The following CPT2 variants were observed in gnomAD, a reference collection of about 807,000 sequenced individuals.
The protein encoded by CPT2 is carnitine palmitoyltransferase 2.
In CPT2, 37 loss-of-function variants were observed where a neutral mutation model predicts 48.6. The ratio of observed to expected loss-of-function variants is 0.76; its 90% CI spans 0.59 to 1.00. The LOEUF (loss-of-function observed/expected upper bound fraction) is 1.00. Among genes scored for constraint, CPT2 ranks in the 50% least tolerant of loss-of-function variants. CPT2 has a pLI of 0.00. For synonymous variants in CPT2, 319 were observed against 326.9 expected (o/e 0.98, Z 0.26); for missense variants, 772 against 825.6 (o/e 0.94, Z 0.80).
intron 1 of CPT2, chr1:53,197,456 G>T (rs3766760): frequency 0.27 from 100,071 of 364,866 alleles, 15,780 homozygotes; most frequent in East Asian, 0.44. Flanking sequence ...CTCGACTATG[G>T]TGTCTCCTGA....
At chr1:53,201,836 T>C (rs1459155841) in intron 2 of CPT2, 1 of 168,992 alleles carries the variant, frequency 5.9e-6, no homozygotes, top group Non-Finnish European at 1.3e-5. Flanking sequence ...AAGTTTCTCT[T>C]GATATGGTAA....
At chr1:53,208,687 A>T (rs1264669847) in intron 3 of CPT2, 1 of 152,240 alleles carries the variant, frequency 6.6e-6, no homozygotes, top group Non-Finnish European at 1.5e-5. Flanking sequence ...AGAAACCTAA[A>T]GAGATGGGGT....
At position 53,213,287 on chromosome 1, in the gene CPT2, T is replaced by C; in HGVS notation, c.1669T>C (p.Phe557Leu). The C allele has an allele frequency of 1.2e-6, 2 of 1,614,200 alleles. No homozygotes were observed. The highest frequency in any genetic ancestry group is 2.7e-5 in the African/African-American group (2 of 75,062). The change falls in exon 5 of 5, where the codon TTT becomes CTT. Residue 557 changes from phenylalanine to leucine, a missense_variant. Phe to Leu is a conservative substitution (Grantham distance 22). Coordinates refer to ENST00000371486, the MANE Select transcript of CPT2 (RefSeq NM_000098.3). ...AGGCCAGGGCTTTGACCGACACTTGTTTGCTCTGCGGCATCTGGCAGCAGC... is the reference window on the plus strand; with the variant it reads ...AGGCCAGGGCTTTGACCGACACTTGCTTGCTCTGCGGCATCTGGCAGCAGC... Reference protein sequence around the residue: ...AMGQGFDRHLFALRHLAAAKG... With the variant: ...AMGQGFDRHLLALRHLAAAKG...
At position 53,202,431 on chromosome 1, in the gene CPT2, T is replaced by G; in HGVS notation, c.340+2T>G. 6.2e-7 allele frequency: 1 copy of G among 1,609,926 alleles called. No individual in the cohort carries two copies. The highest frequency in any genetic ancestry group is 1.1e-5 in the South Asian group (1 of 90,970). On this transcript the variant is annotated splice_donor_variant, in intron 3 of 4. Coordinates refer to ENST00000371486, the MANE Select transcript of CPT2 (RefSeq NM_000098.3). LOFTEE classifies it high-confidence loss of function. Reference sequence around the variant, plus strand: ...ATAAACATACAAGCTACATTTCGGGTAGGTAGGCTGGGCTGTGGGTATGAT... The same window carrying G: ...ATAAACATACAAGCTACATTTCGGGGAGGTAGGCTGGGCTGTGGGTATGAT...
chr1:53,202,226 TGGG>T, intron 2 of CPT2, 94 bp from the exon 3 acceptor site: 1 of 885,008 alleles, frequency 1.1e-6, no homozygotes. Flanking sequence ...GCTATGCTGT[TGGG>T]GACCCAAAAC....
At chr1:53,201,361 C>G (rs1645353899) in intron 2 of CPT2, 1 of 164,716 alleles carries the variant, frequency 6.1e-6, no homozygotes, top group Admixed American at 5.7e-5. Flanking sequence ...TGTGAGGACA[C>G]AGGCAGAGAT....
intron 1 of CPT2, 109 bp from the exon 2 acceptor site, chr1:53,200,610 G>T: frequency 1.2e-6 from 1 of 868,852 alleles, no homozygotes; most frequent in Non-Finnish European, 2.0e-6. Context: ...TCTGATTATT[G>T]GTTTTGGGGG....
intron 4 of CPT2, among the ~76,000 whole-genome samples, chr1:53,212,265 A>T (rs1240486140): frequency 6.6e-6 from 1 of 151,854 alleles, no homozygotes; most frequent in Non-Finnish European, 1.5e-5. Context: ...GGGTTTCACT[A>T]TGTTGGCCAG....
chr1:53,211,050 A>G lies in CPT2; in HGVS notation c.1376A>G (p.Gln459Arg), dbSNP rs1335909876. Residue 459 changes from glutamine to arginine, a missense_variant, in exon 4 of 5, where the codon CAA becomes CGA. Coordinates refer to ENST00000371486, the MANE Select transcript of CPT2 (RefSeq NM_000098.3). ...GGAGGCAAAGAATTCCTGAAGAAGC[A>G]AAAGCTGAGCCCTGACGCAGTTGCC... ...QRGGKEFLKK[Q>R]KLSPDAVAQL... is the part of the protein sequence containing the mutation. 6.2e-7 allele frequency: 1 copy of G among 1,614,220 alleles called. No homozygotes were observed. The highest frequency in any genetic ancestry group is 2.2e-5 in the East Asian group (1 of 44,886).
At position 53,213,826 on chromosome 1, in the gene CPT2, G is replaced by A; in HGVS notation, c.*231G>A. On this transcript the variant is annotated 3_prime_UTR_variant, in exon 5 of 5. Transcript: ENST00000371486. ...TGCCTATAATCCCAGCTACTTGGGA[G>A]GTTGAAGCAGAATTGCTTGAACCCA... is the stretch of plus-strand genomic sequence containing the variant. 1 of 486,302 alleles carries A rather than the reference G, an allele frequency of 2.1e-6. No individual in the cohort carries two copies. Among genetic ancestry groups the A allele is most frequent in the Non-Finnish European group, 3.7e-6 (1 of 266,702 alleles). The allele number at this position is 486,302 out of a possible 1,614,324, so 30.1% of individuals were successfully genotyped here. A position where few individuals can be genotyped will look rare whatever the true frequency, so the allele number is the denominator to read the frequency against.
intron 1 of CPT2, 193 bp from the exon 2 acceptor site, chr1:53,200,526 T>C: frequency 1.8e-6 from 1 of 564,010 alleles, no homozygotes; most frequent in Non-Finnish European, 3.2e-6. Flanking sequence ...TTAGTTGTTA[T>C]TTTACTTAAA....
Position 53,200,816 on chromosome 1 carries a change from T to G in CPT2, c.233+17T>G, listed in dbSNP as rs750023143. The G allele has an allele frequency of 6.3e-7, 1 of 1,597,228 alleles. No homozygotes were observed. Among genetic ancestry groups the G allele is most frequent in the Non-Finnish European group, 8.6e-7 (1 of 1,164,632 alleles). On this transcript the variant is annotated intron_variant, in intron 2 of 4. Transcript: ENST00000371486. ...CCAGTTCAGGTAAACACTGAGAACCTTGGGTGAGCATAGTTGGGGTGGTTC... is the reference window on the plus strand; with the variant it reads ...CCAGTTCAGGTAAACACTGAGAACCGTGGGTGAGCATAGTTGGGGTGGTTC...
At chr1:53,201,537 A>G (rs78923886) in intron 2 of CPT2, 5,368 of 153,434 alleles carry the variant, frequency 0.035, 280 homozygotes, top group East Asian at 0.2. Flanking sequence ...GTGAGAGAAT[A>G]AATTTCTGTT....
At chr1:53,211,698 A>G (rs1645429836) in intron 4 of CPT2, among the ~76,000 whole-genome samples, 1 of 147,976 alleles carries the variant, frequency 6.8e-6, no homozygotes, top group Non-Finnish European at 1.5e-5. Context: ...CCCCAGGTTC[A>G]AGTGATTCTC....
intron 3 of CPT2, among the ~76,000 whole-genome samples, chr1:53,205,989 T>C (rs1027483557): frequency 1.1e-4 from 16 of 152,154 alleles, no homozygotes; most frequent in African/African-American, 3.1e-4. Context: ...GAGACCATCC[T>C]GGCTAACATG....
At chr1:53,211,769 T>C (rs942321310) in intron 4 of CPT2, among the ~76,000 whole-genome samples, 1 of 152,030 alleles carries the variant, frequency 6.6e-6, no homozygotes, top group Non-Finnish European at 1.5e-5. Context: ...TGGCTAGTTT[T>C]TGCATTTTTA....
At position 53,214,039 on chromosome 1, in the gene CPT2, G is replaced by A. The variant is rs1055553519; in HGVS notation, c.*444G>A. The A allele has an allele frequency of 5.3e-6, 1 of 189,382 alleles. No individual in the cohort carries two copies. Among genetic ancestry groups the A allele is most frequent in the Admixed American group, 5.3e-5 (1 of 18,768 alleles). 11.7% of individuals were successfully genotyped at this position (189,382 alleles called of 1,614,324 possible). A position where few individuals can be genotyped will look rare whatever the true frequency, so the allele number is the denominator to read the frequency against. On this transcript the variant is annotated 3_prime_UTR_variant, in exon 5 of 5. Coordinates refer to ENST00000371486, the MANE Select transcript of CPT2 (RefSeq NM_000098.3). ...TACAGGCTTGAGCTTTAAATTCATG[G>A]TTTTAAAGCTAAACGTAATTTCCAC...
chr1:53,210,372 A>C lies in CPT2; in HGVS notation c.698A>C (p.Glu233Ala). ...CGTTTACCCAAACCCAGTCGGGATG[A>C]ACTCTTCACTGATGACAAGGCCAGA... ...STRLPKPSRD[E>A]LFTDDKARHL... The change falls in exon 4 of 5, where the codon GAA becomes GCA. Residue 233 changes from glutamate (E) to alanine (A), a missense_variant. Glu to Ala is a moderately radical substitution (Grantham distance 107). Coordinates refer to ENST00000371486, the MANE Select transcript of CPT2 (RefSeq NM_000098.3). The C allele has an allele frequency of 6.2e-7, 1 of 1,614,124 alleles. No individual in the cohort carries two copies. The highest frequency in any genetic ancestry group is 8.5e-7 in the Non-Finnish European group (1 of 1,180,028).
intron 4 of CPT2, chr1:53,211,527 G>T (rs1486275495): frequency 3.4e-6 from 2 of 589,540 alleles, no homozygotes; most frequent in Non-Finnish European, 6.1e-6. Context: ...CTAAGCAGGG[G>T]TGGGGAAATG....
Sources: gnomAD v4.1 joint callset for allele counts (sites outside exome capture counted in the v4.1 genomes callset) on GRCh38, gnomAD v4.1.1 for gene constraint, MANE v1.5 for transcripts, NCBI Gene and HGNC (gene_info 2026-07-23, HGNC 2026-07-21) for gene names.